SLC25A30: variants seen among roughly 807,000 people sequenced by gnomAD.
SLC25A30 encodes kidney mitochondrial carrier protein 1.
SLC25A30 carries 29 observed loss-of-function variants against 42.7 expected under a neutral mutation model. The ratio of observed to expected loss-of-function variants is 0.68; its 90% CI spans 0.51 to 0.93. SLC25A30 has a LOEUF of 0.93. SLC25A30 is among the 40% of genes least tolerant of loss of function. SLC25A30 has a pLI of 0.00. For missense variants in SLC25A30, 300 were observed against 359.7 expected (o/e 0.83, Z 1.34); for synonymous variants, 124 against 131.0 (o/e 0.95, Z 0.37).
intron 5 of SLC25A30, chr13:45,402,733 C>G (rs1882119954): frequency 2.1e-6 from 2 of 974,860 alleles, no homozygotes; most frequent in African/African-American, 3.5e-5. Context: ...AAGGTTTAAT[C>G]TAATTAATGA....
chr13:45,401,258 C>G lies in SLC25A30; in HGVS notation c.490-51G>C, dbSNP rs559264275. The G allele has an allele frequency of 8.2e-6, 13 of 1,581,788 alleles. No homozygotes were observed. The African/African-American group carries it at 9.4e-5, about 11-fold the overall frequency. ...ATGATTCTGATATGCCTCTGTAGAA[C>G]AAGCCTTGCAAATGTGCAAAGGTTC... On this transcript the variant is annotated intron_variant, in intron 6 of 9. Coordinates refer to ENST00000519676, the MANE Select transcript of SLC25A30 (RefSeq NM_001010875.4).
At position 45,394,097 on chromosome 13, in the gene SLC25A30, A is replaced by T; in HGVS notation, c.*1877T>A. ...ATAAAATCAATGGAATGTTTTGGAA[A>T]GAAGAAAAAATCCTAAGGTGTAGTT... On this transcript the variant is annotated 3_prime_UTR_variant, in exon 10 of 10. Transcript: ENST00000519676. The T allele has an allele frequency of 1.0e-6, 1 of 985,450 alleles. No homozygotes were observed. Among genetic ancestry groups the T allele is most frequent in the Non-Finnish European group, 1.2e-6 (1 of 829,926 alleles). 61.0% of individuals were successfully genotyped at this position (985,450 alleles called of 1,614,324 possible).
chr13:45,423,603 A>ATG, the SLC25A30 span, among the ~76,000 whole-genome samples: 1 of 107,766 alleles, frequency 9.3e-6, no homozygotes, highest in Admixed American at 1.4e-4. Flanking sequence ...ATATATATAT[A>ATG]TAAATATATA....
the SLC25A30 span, among the ~76,000 whole-genome samples, chr13:45,424,787 T>C: frequency 5.4e-5 from 3 of 55,880 alleles, 1 homozygote; most frequent in Non-Finnish European, 9.8e-5. Context: ...TATAAATATA[T>C]AAAAGAATAT....
rs1338871656 is a variant in SLC25A30 at position 45,394,744 on chromosome 13, A to G, written c.*1230T>C. ...ACTTATTGTGTCTACAGAAGGAAAG[A>G]AAAAGGGAAAATATTACATACCACC... On this transcript the variant is annotated 3_prime_UTR_variant, in exon 10 of 10. Transcript: ENST00000519676. The G allele has an allele frequency of 3.0e-6, 3 of 985,124 alleles. No homozygotes were observed. The highest frequency in any genetic ancestry group is 3.6e-6 in the Non-Finnish European group (3 of 829,752). 61.0% of individuals were successfully genotyped at this position (985,124 alleles called of 1,614,324 possible). A position where few individuals can be genotyped will look rare whatever the true frequency, so the allele number is the denominator to read the frequency against.
the SLC25A30 span, among the ~76,000 whole-genome samples, chr13:45,424,657 A>C: frequency 5.8e-4 from 43 of 74,616 alleles, 7 homozygotes; most frequent in Admixed American, 1.4e-3. Flanking sequence ...ATATATATAA[A>C]TATATAGAAA....
At chr13:45,427,028 C>T in the SLC25A30 span, among the ~76,000 whole-genome samples, 1 of 151,284 alleles carries the variant, frequency 6.6e-6, no homozygotes, top group East Asian at 2.0e-4. Context: ...AACAGATTTA[C>T]CAGCTCAGAT....
At chr13:45,424,504 A>AATATATAAAAATATATATAAATATATAT in the SLC25A30 span, among the ~76,000 whole-genome samples, 1 of 37,276 alleles carries the variant, frequency 2.7e-5, no homozygotes, top group African/African-American at 9.4e-5. Flanking sequence ...TAAATATATA[A>AATATATAAAAATATATATAAATATATAT]AAATATATAT....
At chr13:45,426,487 T>C in the SLC25A30 span, among the ~76,000 whole-genome samples, 1 of 152,194 alleles carries the variant, frequency 6.6e-6, no homozygotes, top group East Asian at 1.9e-4. Context: ...ATCTTCACAA[T>C]GTAGTTCTTT....
intron 8 of SLC25A30, 80 bp downstream of exon 8, chr13:45,398,860 T>C (rs1436490630): frequency 6.7e-7 from 1 of 1,491,170 alleles, no homozygotes; most frequent in Admixed American, 2.0e-5. Context: ...TTAGTTTTAG[T>C]AGCTTTCATA....
chr13:45,407,705 A>G (rs960484779), intron 3 of SLC25A30, among the ~76,000 whole-genome samples: 15 of 152,092 alleles, frequency 9.9e-5, no homozygotes, highest in African/African-American at 3.6e-4. Context: ...ACACTGAACT[A>G]CTTCTCTTCC....
At chr13:45,426,575 G>C in the SLC25A30 span, among the ~76,000 whole-genome samples, 1 of 152,082 alleles carries the variant, frequency 6.6e-6, no homozygotes. Flanking sequence ...TCTCAGCTGT[G>C]CCTTATCGTT....
intron 1 of SLC25A30, among the ~76,000 whole-genome samples, chr13:45,417,405 A>G (rs1183090032): frequency 6.6e-6 from 1 of 152,188 alleles, no homozygotes; most frequent in Non-Finnish European, 1.5e-5. Context: ...ACAGCCTTTA[A>G]TGTGCTCTCA....
the SLC25A30 span, among the ~76,000 whole-genome samples, chr13:45,425,309 A>AT: frequency 9.5e-6 from 1 of 105,598 alleles, no homozygotes; most frequent in Non-Finnish European, 1.7e-5. Context: ...CGTATATATA[A>AT]ATATATATGT....
chr13:45,415,677 G>A (rs964926219), intron 1 of SLC25A30, among the ~76,000 whole-genome samples: 42 of 150,878 alleles, frequency 2.8e-4, no homozygotes, highest in Non-Finnish European at 5.2e-4. Flanking sequence ...CTTTGAACCC[G>A]GGAGGCAGAG....
chr13:45,424,862 A>AT, the SLC25A30 span, among the ~76,000 whole-genome samples: 30 of 35,748 alleles, frequency 8.4e-4, no homozygotes, highest in East Asian at 9.7e-3. Flanking sequence ...ATATATATAT[A>AT]AAAATATATA....
chr13:45,423,813 A>T, the SLC25A30 span, among the ~76,000 whole-genome samples: 323 of 38,258 alleles, frequency 8.4e-3, 34 homozygotes, highest in Non-Finnish European at 0.015. Context: ...TATATATATA[A>T]AAATATAAAT....
At chr13:45,408,089 C>T (rs1021144482) in intron 3 of SLC25A30, among the ~76,000 whole-genome samples, 1 of 152,156 alleles carries the variant, frequency 6.6e-6, no homozygotes, top group African/African-American at 2.4e-5. Context: ...TGGCTTCTGT[C>T]TGCCATAGAT....
At chr13:45,414,619 A>AACAC (rs772452713) in intron 1 of SLC25A30, among the ~76,000 whole-genome samples, 38 of 110,376 alleles carry the variant, frequency 3.4e-4, no homozygotes, top group African/African-American at 1.3e-3. Flanking sequence ...CTTTGTCTCA[A>AACAC]ACACACACAC....
Sources: allele counts gnomAD v4.1 joint callset (sites outside exome capture counted in the v4.1 genomes callset), GRCh38; gene constraint gnomAD v4.1.1; transcripts MANE v1.5; gene names NCBI Gene and HGNC (gene_info 2026-07-23, HGNC 2026-07-21).